The following AGBL1 variants were observed in gnomAD, a reference collection of about 807,000 sequenced individuals.
AGBL1 encodes cytosolic carboxypeptidase 4.
In AGBL1, 130 loss-of-function variants were observed where a neutral mutation model predicts 118.9. That is an observed-to-expected ratio of 1.09 (90% CI 0.95 to 1.26). The LOEUF (loss-of-function observed/expected upper bound fraction) is 1.26, where lower values mean the gene tolerates loss of function less well. Ranked by LOEUF, AGBL1 falls within the 50% of genes most tolerant of loss-of-function variation. The pLI, the probability that AGBL1 is intolerant of heterozygous loss-of-function variation, is 0.00. For synonymous variants in AGBL1, 555 were observed against 478.9 expected (o/e 1.16, Z -2.08); for missense variants, 1,584 against 1,298.1 (o/e 1.22, Z -3.38).
chr15:86,571,022 G>C (rs1245510339), intron 21 of AGBL1, among the ~76,000 whole-genome samples: 1 of 152,186 alleles, frequency 6.6e-6, no homozygotes, highest in Non-Finnish European at 1.5e-5. Context: ...GATGCTATAG[G>C]GTGGGCAGCT....
intron 22 of AGBL1, among the ~76,000 whole-genome samples, chr15:86,876,204 C>G (rs1260271394): frequency 6.6e-6 from 1 of 152,150 alleles, no homozygotes; most frequent in African/African-American, 2.4e-5. Flanking sequence ...CCAGGAGGCC[C>G]TTCTAAGCAG....
At chr15:86,773,920 T>C (rs151239887) in intron 22 of AGBL1, among the ~76,000 whole-genome samples, 1 of 152,116 alleles carries the variant, frequency 6.6e-6, no homozygotes, top group East Asian at 1.9e-4. Flanking sequence ...TAACAAGCCA[T>C]GGGAAATGAA....
chr15:86,893,992 T>A (rs2080087769), intron 22 of AGBL1, among the ~76,000 whole-genome samples: 1 of 152,184 alleles, frequency 6.6e-6, no homozygotes, highest in Admixed American at 6.5e-5. Context: ...AACCCACAAT[T>A]ACTTATCTGA....
At chr15:86,551,468 C>A (rs950659885) in intron 20 of AGBL1, among the ~76,000 whole-genome samples, 2 of 152,104 alleles carry the variant, frequency 1.3e-5, no homozygotes, top group Non-Finnish European at 1.5e-5. Context: ...CAAGTGAATA[C>A]ATTCTTAGGA....
intron 24 of AGBL1, among the ~76,000 whole-genome samples, chr15:86,999,589 G>C (rs926727126): frequency 0.019 from 2,813 of 149,192 alleles, 104 homozygotes; most frequent in African/African-American, 0.067. Context: ...GTATTCCATG[G>C]TGTATATGTG....
intron 23 of AGBL1, among the ~76,000 whole-genome samples, chr15:86,947,141 G>A (rs1337647746): frequency 6.6e-6 from 1 of 152,176 alleles, no homozygotes; most frequent in Non-Finnish European, 1.5e-5. Flanking sequence ...AGGGTGGTGG[G>A]AATTCTTTGC....
chr15:86,540,043 A>G (rs1467025807), intron 19 of AGBL1, among the ~76,000 whole-genome samples: 1 of 152,194 alleles, frequency 6.6e-6, no homozygotes, highest in African/African-American at 2.4e-5. Context: ...AACAATACAA[A>G]CTTGGGCAAG....
intron 13 of AGBL1, among the ~76,000 whole-genome samples, chr15:86,267,656 C>T (rs12901579): frequency 0.49 from 74,440 of 152,014 alleles, 20,061 homozygotes; most frequent in African/African-American, 0.72. Flanking sequence ...CCAAGGAAAG[C>T]CTAGGGCTGT....
chr15:86,156,050 T>C (rs530780361), intron 4 of AGBL1, among the ~76,000 whole-genome samples: 1 of 152,184 alleles, frequency 6.6e-6, no homozygotes, highest in South Asian at 2.1e-4. Context: ...GCCTCCCGAG[T>C]AGCTGGGATC....
chr15:86,720,960 A>T (rs1045801155), intron 22 of AGBL1, among the ~76,000 whole-genome samples: 20 of 152,340 alleles, frequency 1.3e-4, no homozygotes, highest in Admixed American at 1.1e-3. Flanking sequence ...AAGAAGTTGA[A>T]TCTCTGAATA....
intron 22 of AGBL1, among the ~76,000 whole-genome samples, chr15:86,883,458 T>C (rs545729459): frequency 7.9e-5 from 12 of 152,294 alleles, no homozygotes; most frequent in Admixed American, 2.0e-4. Flanking sequence ...TAGTGTCCAT[T>C]CTTTGCTTCT....
Position 86,269,907 on chromosome 15 carries a change from T to C in AGBL1, c.1839-12T>C. 1 of 1,613,106 alleles carries C rather than the reference T, an allele frequency of 6.2e-7. No individual in the cohort carries two copies. The highest frequency in any genetic ancestry group is 8.5e-7 in the Non-Finnish European group (1 of 1,179,376). ...TTCCAGATAACCCTCCAGTCTTGCT[T>C]CTGATCTGCAGGTTCGAGTATGACT... On this transcript the variant is annotated splice_polypyrimidine_tract_variant and intron_variant, in intron 13 of 22. Coordinates refer to ENST00000614907, the MANE Select transcript of AGBL1 (RefSeq NM_001386094.1).
chr15:86,960,007 G>A (rs970694298), intron 23 of AGBL1, among the ~76,000 whole-genome samples: 1 of 152,018 alleles, frequency 6.6e-6, no homozygotes, highest in African/African-American at 2.4e-5. Context: ...TTAAGGTTTC[G>A]GGTAAATGTG....
At chr15:86,273,258 AG>A (rs2079190793) in intron 15 of AGBL1, among the ~76,000 whole-genome samples, 1 of 152,230 alleles carries the variant, frequency 6.6e-6, no homozygotes, top group Non-Finnish European at 1.5e-5. Context: ...CCTTGACCTA[AG>A]GAGAACCAAT....
chr15:86,582,104 C>T (rs1479615788), intron 21 of AGBL1, among the ~76,000 whole-genome samples: 1 of 152,116 alleles, frequency 6.6e-6, no homozygotes, highest in Non-Finnish European at 1.5e-5. Flanking sequence ...GGTAACACCC[C>T]TGTAGTTATG....
intron 23 of AGBL1, among the ~76,000 whole-genome samples, chr15:86,944,182 C>A (rs1385668977): frequency 1.3e-5 from 2 of 151,830 alleles, no homozygotes; most frequent in African/African-American, 4.8e-5. Context: ...ACCAGCCTGA[C>A]CAACATGGAG....
chr15:86,418,076 C>T (rs970329928), intron 18 of AGBL1, among the ~76,000 whole-genome samples: 7 of 152,100 alleles, frequency 4.6e-5, no homozygotes, highest in African/African-American at 1.7e-4. Context: ...CTTTGGAGAC[C>T]ACTTTGGATC....
At chr15:87,024,882 A>T (rs1425632057) in intron 24 of AGBL1, among the ~76,000 whole-genome samples, 3 of 152,094 alleles carry the variant, frequency 2.0e-5, no homozygotes, top group Non-Finnish European at 2.9e-5. Context: ...ACAAAAACAC[A>T]TGATGATCTC....
chr15:86,285,432 C>T (rs2079426899), intron 16 of AGBL1, among the ~76,000 whole-genome samples: 1 of 152,076 alleles, frequency 6.6e-6, no homozygotes, highest in African/African-American at 2.4e-5. Flanking sequence ...GTCACGGGGG[C>T]AGGTCTTTCC....
Sources: allele counts gnomAD v4.1 joint callset (sites outside exome capture counted in the v4.1 genomes callset), GRCh38; gene constraint gnomAD v4.1.1; transcripts MANE v1.5; gene names NCBI Gene and HGNC (gene_info 2026-07-23, HGNC 2026-07-21).